MEGF11: variants seen among roughly 807,000 people sequenced by gnomAD.
The protein encoded by MEGF11 is multiple EGF like domains 11.
In MEGF11, 126 loss-of-function variants were observed where a neutral mutation model predicts 146.6. That is an observed-to-expected ratio of 0.86 (90% CI 0.74 to 1.00). MEGF11 has a LOEUF of 1.00. Ranked by LOEUF, MEGF11 falls within the 50% of genes least tolerant of loss-of-function variation. The probability of loss-of-function intolerance (pLI) is 0.00; values close to 1 mark genes in which losing one functional copy is unlikely to be tolerated. For missense variants in MEGF11, 1,509 were observed against 1,521.2 expected (o/e 0.99, Z 0.13); for synonymous variants, 532 against 583.4 (o/e 0.91, Z 1.27).
chr15:66,054,035 T>C (rs1454539052), intron 5 of MEGF11, among the ~76,000 whole-genome samples: 1 of 152,016 alleles, frequency 6.6e-6, no homozygotes, highest in Non-Finnish European at 1.5e-5. Flanking sequence ...CCTGACCCCT[T>C]TGATCTCCAC....
intron 1 of MEGF11, among the ~76,000 whole-genome samples, chr15:66,192,572 C>T (rs1219608380): frequency 3.3e-5 from 5 of 151,788 alleles, no homozygotes; most frequent in Non-Finnish European, 7.4e-5. Flanking sequence ...TTTATAATTA[C>T]CCCAATTTAC....
In MEGF11 at chr15:65,982,143, C is replaced by T; in HGVS notation, c.641+99G>A. On this transcript the variant is annotated intron_variant, in intron 6 of 25. Coordinates refer to ENST00000395614, the MANE Select transcript of MEGF11 (RefSeq NM_001385028.1). The surrounding 1 kb of genome is among the most constrained non-coding windows in gnomAD (Gnocchi z 5.6). ...CGGTGAGGGCAGCCACTCCAGGCCC[C>T]GCCCCAGCCCCTCCACCTCCTCTAC... The T allele has an allele frequency of 7.4e-7, 1 of 1,343,094 alleles. No homozygotes were observed. Among genetic ancestry groups the T allele is most frequent in the Non-Finnish European group, 9.7e-7 (1 of 1,031,248 alleles). 83.2% of individuals were successfully genotyped at this position (1,343,094 alleles called of 1,614,324 possible). A position where few individuals can be genotyped will look rare whatever the true frequency, so the allele number is the denominator to read the frequency against.
chr15:66,012,586 G>A (rs1243621833), intron 5 of MEGF11, among the ~76,000 whole-genome samples: 2 of 152,226 alleles, frequency 1.3e-5, no homozygotes, highest in Non-Finnish European at 2.9e-5. Context: ...CAACGGCCAC[G>A]ACTGAATTAA....
intron 1 of MEGF11, among the ~76,000 whole-genome samples, chr15:66,142,781 T>C (rs1597118797): frequency 2.0e-5 from 3 of 152,342 alleles, no homozygotes; most frequent in African/African-American, 7.2e-5. Context: ...TGCACCTCTC[T>C]GGGCTGTTCT....
intron 5 of MEGF11, among the ~76,000 whole-genome samples, chr15:66,009,084 AGTCT>A (rs1413227569): frequency 1.3e-5 from 2 of 152,150 alleles, no homozygotes; most frequent in Non-Finnish European, 2.9e-5. Context: ...GGTTCGTTGG[AGTCT>A]GTCTACTTAT....
intron 21 of MEGF11, 136 bp downstream of exon 21, chr15:65,911,946 G>C (rs2078825270): frequency 2.4e-6 from 1 of 423,128 alleles, no homozygotes; most frequent in Non-Finnish European, 4.0e-6. Context: ...GGATTGCAAG[G>C]TTGCTTTTAA....
chr15:66,170,694 G>T (rs1213211459), intron 1 of MEGF11, among the ~76,000 whole-genome samples: 1 of 152,180 alleles, frequency 6.6e-6, no homozygotes, highest in African/African-American at 2.4e-5. Flanking sequence ...AATGGGAGGG[G>T]GGCCTTTGAA....
intron 5 of MEGF11, among the ~76,000 whole-genome samples, chr15:66,031,206 C>T (rs1319775729): frequency 6.6e-6 from 1 of 152,154 alleles, no homozygotes; most frequent in Non-Finnish European, 1.5e-5. Flanking sequence ...TTCCATGAAG[C>T]ACAGCCCATC....
At chr15:66,198,776 G>A (rs1022863818) in intron 1 of MEGF11, among the ~76,000 whole-genome samples, 9 of 152,084 alleles carry the variant, frequency 5.9e-5, no homozygotes, top group Non-Finnish European at 1.2e-4. Flanking sequence ...GAGCCACCGA[G>A]CCCAGCCTCC....
At position 66,141,283 on chromosome 15, in the gene MEGF11, TGTGTGTGA is replaced by T. The variant is rs1422109393; in HGVS notation, c.-8-12880_-8-12873del. Among the ~76,000 whole-genome samples the T allele has an allele frequency of 2.3e-3, 207 of 90,032 alleles. 1 individual carries two copies. The highest frequency in any genetic ancestry group is 7.0e-3 in the East Asian group (16 of 2,292). 59.1% of individuals were successfully genotyped at this position (90,032 alleles called of 152,430 possible). On this transcript the variant is annotated intron_variant, in intron 1 of 25. Transcript: ENST00000395614. ...GTGTGTGTGTGTGTGTGTGTGTGTG[TGTGTGTGA>T]GAGAGAGAGAGAGAGAGACAGGGAT...
At position 65,911,976 on chromosome 15, in the gene MEGF11, A is replaced by T. The variant is rs1490651846; in HGVS notation, c.2829+106T>A. On this transcript the variant is annotated intron_variant, in intron 21 of 25. Coordinates refer to ENST00000395614, the MANE Select transcript of MEGF11 (RefSeq NM_001385028.1). ...TTTTAATGTATTGGTGGTCAGTTCT[A>T]CATGGACCCTCCATGTGGCGGGGGG... is the stretch of plus-strand genomic sequence containing the variant. The T allele has an allele frequency of 1.3e-5, 7 of 528,470 alleles. No individual in the cohort carries two copies. The Admixed American group carries it at 2.6e-4, about 20-fold the overall frequency. The allele number at this position is 528,470 out of a possible 1,614,324, so 32.7% of individuals were successfully genotyped here. A position where few individuals can be genotyped will look rare whatever the true frequency, so the allele number is the denominator to read the frequency against.
chr15:66,086,133 GA>G (rs1665334712), intron 5 of MEGF11, among the ~76,000 whole-genome samples: 1 of 152,008 alleles, frequency 6.6e-6, no homozygotes, highest in Admixed American at 6.6e-5. Flanking sequence ...AAGAAAATAT[GA>G]ACAAAGCCTC....
rs112314441 is a variant in MEGF11 at position 65,906,513 on chromosome 15, A to G, written c.2999-372T>C. On this transcript the variant is annotated intron_variant, in intron 23 of 25. Transcript: ENST00000395614. ...AGGTGAAACTCCAGGCTCCAAGGGTATAGGATAAGGAATGAAGCAGAACCA... is the reference window on the plus strand; with the variant it reads ...AGGTGAAACTCCAGGCTCCAAGGGTGTAGGATAAGGAATGAAGCAGAACCA... 8.5e-3 allele frequency: 1,686 copies of G among 197,416 alleles called. 22 individuals are homozygous for G. The highest frequency in any genetic ancestry group is 0.037 in the African/African-American group (1,559 of 42,572). 12.2% of individuals were successfully genotyped at this position (197,416 alleles called of 1,614,324 possible).
intron 1 of MEGF11, among the ~76,000 whole-genome samples, chr15:66,237,741 G>C (rs1392681314): frequency 6.6e-6 from 1 of 152,318 alleles, no homozygotes; most frequent in South Asian, 2.1e-4. Context: ...CACACAGCAG[G>C]CACTTCCTGC....
chr15:66,015,976 T>C (rs2082871209), intron 5 of MEGF11, among the ~76,000 whole-genome samples: 1 of 150,896 alleles, frequency 6.6e-6, no homozygotes, highest in Non-Finnish European at 1.5e-5. Context: ...GCCCACCTAC[T>C]TGGGGTGGGT....
At chr15:65,927,648 T>C (rs925582469) in intron 13 of MEGF11, among the ~76,000 whole-genome samples, 1 of 152,062 alleles carries the variant, frequency 6.6e-6, no homozygotes. Context: ...CAAGGAGTTA[T>C]CAGGTGAAAA....
At chr15:66,029,957 G>T (rs148154023) in intron 5 of MEGF11, among the ~76,000 whole-genome samples, 1 of 152,288 alleles carries the variant, frequency 6.6e-6, no homozygotes, top group African/African-American at 2.4e-5. Flanking sequence ...CTCATCCTCT[G>T]CTAAGCCAGT....
At chr15:65,968,261 T>A (rs2081181014) in intron 8 of MEGF11, among the ~76,000 whole-genome samples, 1 of 152,104 alleles carries the variant, frequency 6.6e-6, no homozygotes, top group South Asian at 2.1e-4. Flanking sequence ...AAATAATCAC[T>A]ATCTGAGTTG....
At chr15:66,011,317 G>T (rs1751440100) in intron 5 of MEGF11, among the ~76,000 whole-genome samples, 2 of 152,164 alleles carry the variant, frequency 1.3e-5, no homozygotes, top group African/African-American at 2.4e-5. Context: ...CAGGAGGCCT[G>T]GCTCCCTTCC....
Sources: allele counts gnomAD v4.1 joint callset (sites outside exome capture counted in the v4.1 genomes callset), GRCh38; gene constraint gnomAD v4.1.1; non-coding constraint Gnocchi (gnomAD v3.1); transcripts MANE v1.5; gene names NCBI Gene and HGNC (gene_info 2026-07-23, HGNC 2026-07-21).